The following ACOX2 variants were observed in gnomAD, a reference collection of about 807,000 sequenced individuals.
The protein encoded by ACOX2 is acyl-CoA oxidase 2.
Under a neutral mutation model 77.5 loss-of-function variants are expected in ACOX2, and 59 were observed. The ratio of observed to expected loss-of-function variants is 0.76; its 90% CI spans 0.62 to 0.95. The LOEUF (loss-of-function observed/expected upper bound fraction) is 0.95. ACOX2 is among the 40% of genes least tolerant of loss of function. The pLI is 0.00. For missense variants in ACOX2, 837 were observed against 880.4 expected, an observed-to-expected ratio of 0.95 and a Z score of 0.62; for synonymous variants, 317 against 340.1, an observed-to-expected ratio of 0.93 and a Z score of 0.75.
rs148054942 is a variant in ACOX2 at position 58,512,614 on chromosome 3, G to A, written c.1851-3589C>T. Among the ~76,000 whole-genome samples the A allele has an allele frequency of 0.014, 2,170 of 152,118 alleles. 23 individuals are homozygous for A. The highest frequency in any genetic ancestry group is 0.034 in the Admixed American group (520 of 15,282). ...CTGCCCTCTGCCGTCATTTTCCACC[G>A]CAGTCATGCCATTCCTGCCCCTGTG... On this transcript the variant is annotated intron_variant, in intron 13 of 14. Transcript: ENST00000302819. The surrounding 1 kb of genome is among the most constrained non-coding windows in gnomAD (Gnocchi z 4.8).
At position 58,521,364 on chromosome 3, in the gene ACOX2, C is replaced by T. The variant is rs1391855632; in HGVS notation, c.1632+1132G>A. Among the ~76,000 whole-genome samples, 7 of 152,196 alleles carry T rather than the reference C, an allele frequency of 4.6e-5. No homozygotes were observed. The East Asian group carries it at 9.6e-4, about 21-fold the overall frequency. ...TCTGGGTCTGAGGCCTGAGGATTGG[C>T]GTGATCACTTTAGTTTTCCAGTTAT... On this transcript the variant is annotated intron_variant, in intron 12 of 14. Coordinates refer to ENST00000302819, the MANE Select transcript of ACOX2 (RefSeq NM_003500.4). This position sits in a 1 kb window ranked among gnomAD's most constrained non-coding sequence, Gnocchi z 4.8.
At chr3:58,532,397 T>C (rs962028788) in intron 5 of ACOX2, among the ~76,000 whole-genome samples, 4 of 152,072 alleles carry the variant, frequency 2.6e-5, no homozygotes, top group African/African-American at 9.7e-5. Flanking sequence ...TTTCTTTCTT[T>C]TGTTTTTGAG....
At position 58,505,185 on chromosome 3, in the gene ACOX2, A is replaced by G. The variant is rs377225466; in HGVS notation, c.*39T>C. 4.5e-6 allele frequency: 7 copies of G among 1,550,474 alleles called. No homozygotes were observed. In the African/African-American group the frequency reaches 9.6e-5, roughly 21 times the overall value. On this transcript the variant is annotated 3_prime_UTR_variant, in exon 15 of 15. Coordinates refer to ENST00000302819, the MANE Select transcript of ACOX2 (RefSeq NM_003500.4). This position sits in a 1 kb window ranked among gnomAD's most constrained non-coding sequence, Gnocchi z 4.4. ...ATATATGCCATAGTACCATTATCAC[A>G]TGATGGTGCTGGTTGCTTCTTGAAT... is the stretch of plus-strand genomic sequence containing the variant.
In ACOX2 at chr3:58,526,335, T is replaced by C. The variant is rs2063393872; in HGVS notation, c.1346+131A>G. 9.4e-7 allele frequency: 1 copy of C among 1,067,482 alleles called. No individual in the cohort carries two copies. The highest frequency in any genetic ancestry group is 2.6e-5 in the East Asian group (1 of 38,116). 66.1% of individuals were successfully genotyped at this position (1,067,482 alleles called of 1,614,324 possible). A position where few individuals can be genotyped will look rare whatever the true frequency, so the allele number is the denominator to read the frequency against. On this transcript the variant is annotated intron_variant, in intron 10 of 14. Transcript: ENST00000302819. This position sits in a 1 kb window ranked among gnomAD's most constrained non-coding sequence, Gnocchi z 4.3. ...TGGATAGGTTAGTCATACTGGGGAA[T>C]TGGACAGCTCCCAAATAGCACTTCG... is the stretch of plus-strand genomic sequence containing the variant.
At chr3:58,510,148 A>G (rs1374320554) in intron 13 of ACOX2, among the ~76,000 whole-genome samples, 4 of 152,090 alleles carry the variant, frequency 2.6e-5, no homozygotes, top group African/African-American at 9.7e-5. Flanking sequence ...AATATTTAGT[A>G]TTGACATTAT....
chr3:58,530,319 A>C, intron 8 of ACOX2, 147 bp downstream of exon 8: 5 of 1,184,198 alleles, frequency 4.2e-6, no homozygotes, highest in Non-Finnish European at 5.9e-6. Context: ...CAGGCTGGGT[A>C]GATTTTGTGT....
chr3:58,507,573 C>T (rs749662191), intron 14 of ACOX2, among the ~76,000 whole-genome samples: 2 of 152,070 alleles, frequency 1.3e-5, no homozygotes, highest in Admixed American at 6.6e-5. Flanking sequence ...TATAGCAGGG[C>T]GGGTTTTTCT....
At position 58,533,529 on chromosome 3, in the gene ACOX2, T is replaced by C; in HGVS notation, c.499A>G (p.Thr167Ala). 6.2e-7 allele frequency: 1 copy of C among 1,613,948 alleles called. No individual in the cohort carries two copies. Among genetic ancestry groups the C allele is most frequent in the Non-Finnish European group, 8.5e-7 (1 of 1,179,960 alleles). The change falls in exon 5 of 15, where the codon ACT becomes GCT. Residue 167 changes from threonine (T) to alanine (A), a missense_variant. Transcript: ENST00000302819. The surrounding 1 kb of genome is among the most constrained non-coding windows in gnomAD (Gnocchi z 5.6). ...GTGGCTGCGTCATAGGTGGCTTCAGTCTCCAGGCCCTGAAGATATGTCCCT... is the reference window on the plus strand; with the variant it reads ...GTGGCTGCGTCATAGGTGGCTTCAGCCTCCAGGCCCTGAAGATATGTCCCT... ...GHGTYLQGLE[T>A]EATYDAATQE...
chr3:58,530,924 G>A (rs1300773435), intron 7 of ACOX2, among the ~76,000 whole-genome samples: 3 of 152,174 alleles, frequency 2.0e-5, no homozygotes, highest in Admixed American at 6.5e-5. Flanking sequence ...TCTGTTGGGC[G>A]ATTGGCTGTG....
At position 58,534,607 on chromosome 3, in the gene ACOX2, A is replaced by G. The variant is rs1348405871; in HGVS notation, c.161-85T>C. ...ATCTTCTCACCCACTTGCTTCATGG[A>G]TCTGGAAAGGAAGTCAGACATTATT... On this transcript the variant is annotated intron_variant, in intron 2 of 14. Coordinates refer to ENST00000302819, the MANE Select transcript of ACOX2 (RefSeq NM_003500.4). This position sits in a 1 kb window ranked among gnomAD's most constrained non-coding sequence, Gnocchi z 4.8. The G allele has an allele frequency of 6.2e-7, 1 of 1,608,946 alleles. No individual in the cohort carries two copies. The highest frequency in any genetic ancestry group is 8.5e-7 in the Non-Finnish European group (1 of 1,178,598).
Position 58,534,338 on chromosome 3 carries a change from G to C in ACOX2, c.323+22C>G. 1 of 1,613,472 alleles carries C rather than the reference G, an allele frequency of 6.2e-7. No homozygotes were observed. Among genetic ancestry groups the C allele is most frequent in the Non-Finnish European group, 8.5e-7 (1 of 1,179,634 alleles). On this transcript the variant is annotated intron_variant, in intron 3 of 14. Coordinates refer to ENST00000302819, the MANE Select transcript of ACOX2 (RefSeq NM_003500.4). The surrounding 1 kb of genome is among the most constrained non-coding windows in gnomAD (Gnocchi z 4.8). Reference sequence around the variant, plus strand: ...ATCCCAGGTAGATCCCTCTCTAGTGGGGCTGCTCGAGGAGTGAGCACCTGT... The same window carrying C: ...ATCCCAGGTAGATCCCTCTCTAGTGCGGCTGCTCGAGGAGTGAGCACCTGT...
Position 58,524,406 on chromosome 3 carries a change from A to C in ACOX2, c.1526+20T>G, listed in dbSNP as rs1247536643. ...AGCCTGTGCCCAGGTGGGATGGCTG[A>C]TTTCTCAGCACTGGCTTACCTTACT... On this transcript the variant is annotated intron_variant, in intron 11 of 14. Transcript: ENST00000302819. This position sits in a 1 kb window ranked among gnomAD's most constrained non-coding sequence, Gnocchi z 5.5. 1 of 1,602,912 alleles carries C rather than the reference A, an allele frequency of 6.2e-7. No individual in the cohort carries two copies. The highest frequency in any genetic ancestry group is 8.5e-7 in the Non-Finnish European group (1 of 1,170,896).
chr3:58,531,422 G>A lies in ACOX2; in HGVS notation c.704-56C>T, dbSNP rs776303668. 4 of 1,500,828 alleles carry A rather than the reference G, an allele frequency of 2.7e-6. No homozygotes were observed. In the South Asian group the frequency reaches 3.4e-5, roughly 13 times the overall value. 93.0% of individuals were successfully genotyped at this position (1,500,828 alleles called of 1,614,324 possible). A position where few individuals can be genotyped will look rare whatever the true frequency, so the allele number is the denominator to read the frequency against. On this transcript the variant is annotated intron_variant, in intron 6 of 14. Transcript: ENST00000302819. The surrounding 1 kb of genome is among the most constrained non-coding windows in gnomAD (Gnocchi z 5.8). Reference sequence around the variant, plus strand: ...CAGTTGAGAGAGTGCTTGCTATGTGGCAGGTATCATACACACATTCCAGGT... The same window carrying A: ...CAGTTGAGAGAGTGCTTGCTATGTGACAGGTATCATACACACATTCCAGGT...
intron 14 of ACOX2, among the ~76,000 whole-genome samples, chr3:58,506,480 T>C (rs912675410): frequency 1.3e-5 from 2 of 152,174 alleles, no homozygotes; most frequent in Non-Finnish European, 2.9e-5. Context: ...AGGGTGTGTT[T>C]CAACATAGCT....
At chr3:58,509,630 T>TTAA (rs1480043871) in intron 13 of ACOX2, among the ~76,000 whole-genome samples, 3 of 125,674 alleles carry the variant, frequency 2.4e-5, no homozygotes, top group African/African-American at 3.0e-5. Context: ...TTTTTTTTGA[T>TTAA]ACAGAGTCTC....
chr3:58,536,610 CCTTG>C (rs2063483674), intron 1 of ACOX2, among the ~76,000 whole-genome samples: 1 of 152,186 alleles, frequency 6.6e-6, no homozygotes, highest in African/African-American at 2.4e-5. Context: ...TACCTCTTTT[CCTTG>C]CTCTGCTGCC....
chr3:58,511,837 T>C (rs116824766), intron 13 of ACOX2, among the ~76,000 whole-genome samples: 11 of 152,368 alleles, frequency 7.2e-5, no homozygotes, highest in African/African-American at 2.2e-4. Flanking sequence ...TTTATGCTTA[T>C]GATTTCCAAT....
At chr3:58,520,726 A>C (rs1409506685) in intron 12 of ACOX2, among the ~76,000 whole-genome samples, 1 of 152,192 alleles carries the variant, frequency 6.6e-6, no homozygotes, top group Non-Finnish European at 1.5e-5. Flanking sequence ...AGCCCTATCC[A>C]TTATGACCTT....
chr3:58,530,520 C>T lies in ACOX2; in HGVS notation c.938G>A (p.Cys313Tyr). The change falls in exon 8 of 15, where the codon TGT becomes TAT. Residue 313 changes from cysteine to tyrosine, a missense_variant. Physicochemically the swap from Cys to Tyr is radical, Grantham distance 194 (BLOSUM62 -2). Coordinates refer to ENST00000302819, the MANE Select transcript of ACOX2 (RefSeq NM_003500.4). ...GEILPILQKA[C>Y]VIAMRYSVIR... The stretch of plus-strand genomic sequence containing the variant: ...GACCGAGTAGCGCATGGCGATGACA[C>T]AGGCCTTCTGCAGTATAGGGAGGAT... The T allele has an allele frequency of 1.2e-6, 2 of 1,614,260 alleles. No homozygotes were observed. Among genetic ancestry groups the T allele is most frequent in the African/African-American group, 2.7e-5 (2 of 75,082 alleles).
Sources: gnomAD v4.1 joint callset for allele counts (sites outside exome capture counted in the v4.1 genomes callset) on GRCh38, gnomAD v4.1.1 for gene constraint, Gnocchi (gnomAD v3.1) non-coding constraint, MANE v1.5 for transcripts, NCBI Gene and HGNC (gene_info 2026-07-23, HGNC 2026-07-21) for gene names.